The following PGP variants were observed in gnomAD, a reference collection of about 807,000 sequenced individuals.
PGP encodes aspartate-based ubiquitous Mg(2+)-dependent phosphatase.
In PGP, 9 loss-of-function variants were observed where a neutral mutation model predicts 19.3. The ratio of observed to expected loss-of-function variants is 0.47; its 90% confidence interval spans 0.28 to 0.81. The LOEUF is 0.81. Among genes scored for constraint, PGP ranks in the 40% least tolerant of loss-of-function variants. The pLI is 0.11. For missense variants in PGP, 403 were observed against 479.9 expected (o/e 0.84, Z 1.50); for synonymous variants, 308 against 226.8 (o/e 1.36, Z -3.22).
Position 2,212,263 on chromosome 16 carries a change from C to T in PGP, c.*1465G>A. ...GCAGCACCCTCTGAACCCGATATCC[C>T]AGGCCTGGGAGGTGCTGAAGGCTCA... On this transcript the variant is annotated 3_prime_UTR_variant, in exon 2 of 2. Coordinates refer to ENST00000333503, the MANE Select transcript of PGP (RefSeq NM_001042371.3). 2.0e-6 allele frequency: 2 copies of T among 985,926 alleles called. No individual in the cohort carries two copies. Among genetic ancestry groups the T allele is most frequent in the Non-Finnish European group, 2.4e-6 (2 of 830,024 alleles). The allele number at this position is 985,926 out of a possible 1,614,324, so 61.1% of individuals were successfully genotyped here.
In PGP at chr16:2,214,095, C is replaced by CCCG. The variant is rs1475477750; in HGVS notation, c.640+40_640+42dup. On this transcript the variant is annotated intron_variant, in intron 1 of 1. Coordinates refer to ENST00000333503, the MANE Select transcript of PGP (RefSeq NM_001042371.3). This position sits in a 1 kb window ranked among gnomAD's most constrained non-coding sequence, Gnocchi z 7.1. ...ACCGGGTCAAAGGGCAGGGAGGGGGCCCGCCGCCCGCCCCCCAGCCTCCCG... is the reference window on the plus strand; with the variant it reads ...ACCGGGTCAAAGGGCAGGGAGGGGGCCCGCCGCCGCCCGCCCCCCAGCCTCCCG... The CCCG allele has an allele frequency of 2.4e-6, 1 of 424,016 alleles. No homozygotes were observed. Among genetic ancestry groups the CCCG allele is most frequent in the South Asian group, 1.8e-5 (1 of 55,894 alleles). 26.3% of individuals were successfully genotyped at this position (424,016 alleles called of 1,614,324 possible).
chr16:2,214,039 C>A lies in PGP; in HGVS notation c.655G>T (p.Val219Phe). 1 of 1,599,990 alleles carries A rather than the reference C, an allele frequency of 6.3e-7. No individual in the cohort carries two copies. The highest frequency in any genetic ancestry group is 8.5e-7 in the Non-Finnish European group (1 of 1,172,894). The change falls in exon 2 of 2, where the codon GTC (valine) becomes TTC (phenylalanine). Residue 219 changes from valine to phenylalanine, a missense_variant. Physicochemically the swap from Val to Phe is conservative, Grantham distance 50 (BLOSUM62 -1). Transcript: ENST00000333503. This position sits in a 1 kb window ranked among gnomAD's most constrained non-coding sequence, Gnocchi z 7.1. ...TGGGCGGCCATCTCCACGGCTCGGA[C>A]CAGACACCCGGTACCTGCGGGGCAC... ...GRFIAGTGCL[V>F]RAVEMAAQRQ...
chr16:2,214,603 G>C lies in PGP; in HGVS notation c.175C>G (p.Arg59Gly), dbSNP rs1194376617. 1 of 1,463,960 alleles carries C rather than the reference G, an allele frequency of 6.8e-7. No homozygotes were observed. Among genetic ancestry groups the C allele is most frequent in the East Asian group, 3.0e-5 (1 of 33,702 alleles). The allele number at this position is 1,463,960 out of a possible 1,614,324, so 90.7% of individuals were successfully genotyped here. A position where few individuals can be genotyped will look rare whatever the true frequency, so the allele number is the denominator to read the frequency against. Reference sequence around the variant, plus strand: ...GTGATGAAGCCCAGGCGCTTGCCGCGGGCTCGCAGCGCCCGCAGGGCCTCG... The same window carrying C: ...GTGATGAAGCCCAGGCGCTTGCCGCCGGCTCGCAGCGCCCGCAGGGCCTCG... The part of the protein sequence containing the change: ...APEALRALRA[R>G]GKRLGFITNN... Residue 59 changes from arginine to glycine, a missense_variant, in exon 1 of 2, where the codon CGC becomes GGC. Coordinates refer to ENST00000333503, the MANE Select transcript of PGP (RefSeq NM_001042371.3). This position sits in a 1 kb window ranked among gnomAD's most constrained non-coding sequence, Gnocchi z 7.1.
At position 2,214,601 on chromosome 16, in the gene PGP, G is replaced by A. The variant is rs1260341274; in HGVS notation, c.177C>T (p.Arg59=). 2 of 1,466,514 alleles carry A rather than the reference G, an allele frequency of 1.4e-6. No individual in the cohort carries two copies. The highest frequency in any genetic ancestry group is 2.6e-5 in the South Asian group (2 of 77,738). The allele number at this position is 1,466,514 out of a possible 1,614,324, so 90.8% of individuals were successfully genotyped here. ...TGGTGATGAAGCCCAGGCGCTTGCCGCGGGCTCGCAGCGCCCGCAGGGCCT... is the reference window on the plus strand; with the variant it reads ...TGGTGATGAAGCCCAGGCGCTTGCCACGGGCTCGCAGCGCCCGCAGGGCCT... The part of the protein sequence containing the change: ...APEALRALRA[R]GKRLGFITNN... Residue 59 remains arginine, a synonymous_variant, in exon 1 of 2, where the codon CGC becomes CGT. Transcript: ENST00000333503. This position sits in a 1 kb window ranked among gnomAD's most constrained non-coding sequence, Gnocchi z 7.1.
In PGP at chr16:2,214,634, G is replaced by A. The variant is rs1283590197; in HGVS notation, c.144C>T (p.Gly48=). 3 of 1,446,626 alleles carry A rather than the reference G, an allele frequency of 2.1e-6. No homozygotes were observed. The highest frequency in any genetic ancestry group is 2.5e-5 in the Admixed American group (1 of 39,602). 89.6% of individuals were successfully genotyped at this position (1,446,626 alleles called of 1,614,324 possible). Reference sequence around the variant, plus strand: ...GCAGCGCCCGCAGGGCCTCGGGCGCGCCAGGCACGGCGGTCTCCCCGCGCC... The same window carrying A: ...GCAGCGCCCGCAGGGCCTCGGGCGCACCAGGCACGGCGGTCTCCCCGCGCC... ...VLWRGETAVP[G]APEALRALRA... is the part of the protein sequence containing the mutation. The change falls in exon 1 of 2, where the codon GGC becomes GGT. Residue 48 remains glycine (G), a synonymous_variant. Transcript: ENST00000333503. The surrounding 1 kb of genome is among the most constrained non-coding windows in gnomAD (Gnocchi z 7.1).
rs1230315639 is a variant in PGP, at chr16:2,212,216, G to A, written c.*1512C>T. The A allele has an allele frequency of 5.1e-6, 5 of 985,850 alleles. No individual in the cohort carries two copies. Among genetic ancestry groups the A allele is most frequent in the African/African-American group, 1.7e-5 (1 of 57,384 alleles). The allele number at this position is 985,850 out of a possible 1,614,324, so 61.1% of individuals were successfully genotyped here. A position where few individuals can be genotyped will look rare whatever the true frequency, so the allele number is the denominator to read the frequency against. On this transcript the variant is annotated 3_prime_UTR_variant, in exon 2 of 2. Coordinates refer to ENST00000333503, the MANE Select transcript of PGP (RefSeq NM_001042371.3). The stretch of plus-strand genomic sequence containing the variant: ...CGTCAGTGTCACCAGCCTCATGGGT[G>A]GAGCCACCCTCATGCTGCTCTGCAG...
chr16:2,214,351 C>T lies in PGP; in HGVS notation c.427G>A (p.Val143Met). 1 of 1,513,940 alleles carries T rather than the reference C, an allele frequency of 6.6e-7. No individual in the cohort carries two copies. The highest frequency in any genetic ancestry group is 8.8e-7 in the Non-Finnish European group (1 of 1,138,422). 93.8% of individuals were successfully genotyped at this position (1,513,940 alleles called of 1,614,324 possible). A position where few individuals can be genotyped will look rare whatever the true frequency, so the allele number is the denominator to read the frequency against. Residue 143 changes from valine to methionine, a missense_variant, in exon 1 of 2, where the codon GTG becomes ATG. Coordinates refer to ENST00000333503, the MANE Select transcript of PGP (RefSeq NM_001042371.3). This position sits in a 1 kb window ranked among gnomAD's most constrained non-coding sequence, Gnocchi z 7.1. ...LEAVGVASVG[V>M]GPEPLQGEGP... Reference sequence around the variant, plus strand: ...TCGCCCTGCAGTGGCTCGGGCCCCACGCCCACGCTGGCGACGCCCACGGCC... The same window carrying T: ...TCGCCCTGCAGTGGCTCGGGCCCCATGCCCACGCTGGCGACGCCCACGGCC...
chr16:2,213,180 A>C lies in PGP; in HGVS notation c.*548T>G. 1.0e-6 allele frequency: 1 copy of C among 985,538 alleles called. No individual in the cohort carries two copies. Among genetic ancestry groups the C allele is most frequent in the South Asian group, 4.7e-5 (1 of 21,306 alleles). 61.0% of individuals were successfully genotyped at this position (985,538 alleles called of 1,614,324 possible). A position where few individuals can be genotyped will look rare whatever the true frequency, so the allele number is the denominator to read the frequency against. ...GAGAGTGGTGAGGGCAGCACTTTGC[A>C]CCCAAGGGCAGGGAGATGCCACCTG... On this transcript the variant is annotated 3_prime_UTR_variant, in exon 2 of 2. Transcript: ENST00000333503.
chr16:2,213,983 G>A lies in PGP; in HGVS notation c.711C>T (p.Ser237=). 1 of 1,609,620 alleles carries A rather than the reference G, an allele frequency of 6.2e-7. No homozygotes were observed. The highest frequency in any genetic ancestry group is 8.5e-7 in the Non-Finnish European group (1 of 1,177,334). ...GGGACACGCAGTCGAAAATGAAGCG[G>A]CTGGGCTTCCCGATGATGTCGGCCT... The part of the protein sequence containing the change: ...QRQADIIGKP[S]RFIFDCVSQE... The change falls in exon 2 of 2, where the codon AGC becomes AGT. Residue 237 remains serine (S), a synonymous_variant. Coordinates refer to ENST00000333503, the MANE Select transcript of PGP (RefSeq NM_001042371.3).
In PGP at chr16:2,214,622, G is replaced by A; in HGVS notation, c.156C>T (p.Ala52=). ...TGCCGCGGGCTCGCAGCGCCCGCAG[G>A]GCCTCGGGCGCGCCAGGCACGGCGG... ...GETAVPGAPE[A]LRALRARGKR... is the part of the protein sequence containing the mutation. The change falls in exon 1 of 2, where the codon GCC becomes GCT. Residue 52 remains alanine, a synonymous_variant. Coordinates refer to ENST00000333503, the MANE Select transcript of PGP (RefSeq NM_001042371.3). The surrounding 1 kb of genome is among the most constrained non-coding windows in gnomAD (Gnocchi z 7.1). 1 of 1,450,526 alleles carries A rather than the reference G, an allele frequency of 6.9e-7. No individual in the cohort carries two copies. Among genetic ancestry groups the A allele is most frequent in the Non-Finnish European group, 9.1e-7 (1 of 1,104,896 alleles). 89.9% of individuals were successfully genotyped at this position (1,450,526 alleles called of 1,614,324 possible).
Position 2,214,596 on chromosome 16 carries a change from T to G in PGP, c.182A>C (p.Lys61Thr). The G allele has an allele frequency of 6.8e-7, 1 of 1,467,692 alleles. No individual in the cohort carries two copies. Among genetic ancestry groups the G allele is most frequent in the African/African-American group, 1.5e-5 (1 of 68,024 alleles). 90.9% of individuals were successfully genotyped at this position (1,467,692 alleles called of 1,614,324 possible). A position where few individuals can be genotyped will look rare whatever the true frequency, so the allele number is the denominator to read the frequency against. Residue 61 changes from lysine to threonine, a missense_variant, in exon 1 of 2, where the codon AAG (lysine) becomes ACG (threonine). Transcript: ENST00000333503. This position sits in a 1 kb window ranked among gnomAD's most constrained non-coding sequence, Gnocchi z 7.1. The part of the protein sequence containing the change: ...EALRALRARG[K>T]RLGFITNNSS... ...GTTGTTGGTGATGAAGCCCAGGCGC[T>G]TGCCGCGGGCTCGCAGCGCCCGCAG...
At position 2,213,697 on chromosome 16, in the gene PGP, T is replaced by C. The variant is rs1210614911; in HGVS notation, c.*31A>G. On this transcript the variant is annotated 3_prime_UTR_variant, in exon 2 of 2. Coordinates refer to ENST00000333503, the MANE Select transcript of PGP (RefSeq NM_001042371.3). ...GGTAACTGGTTTTCAATTTCTTTTT[T>C]TTTATTCTGCAGATTAAAGACACTC... 6.1e-6 allele frequency: 9 copies of C among 1,483,798 alleles called. No individual in the cohort carries two copies. Among genetic ancestry groups the C allele is most frequent in the African/African-American group, 1.4e-5 (1 of 70,526 alleles). 91.9% of individuals were successfully genotyped at this position (1,483,798 alleles called of 1,614,324 possible). A position where few individuals can be genotyped will look rare whatever the true frequency, so the allele number is the denominator to read the frequency against.
At position 2,212,433 on chromosome 16, in the gene PGP, C is replaced by T. The variant is rs1017040279; in HGVS notation, c.*1295G>A. 1.2e-5 allele frequency: 12 copies of T among 985,748 alleles called. No homozygotes were observed. The highest frequency in any genetic ancestry group is 1.4e-5 in the Non-Finnish European group (12 of 830,050). 61.1% of individuals were successfully genotyped at this position (985,748 alleles called of 1,614,324 possible). A position where few individuals can be genotyped will look rare whatever the true frequency, so the allele number is the denominator to read the frequency against. On this transcript the variant is annotated 3_prime_UTR_variant, in exon 2 of 2. Coordinates refer to ENST00000333503, the MANE Select transcript of PGP (RefSeq NM_001042371.3). ...GCATCCCGGGATGGCCCTGCTGAGTCTGCTGTCAGGCCTGTGAAAGGTCAG... is the reference window on the plus strand; with the variant it reads ...GCATCCCGGGATGGCCCTGCTGAGTTTGCTGTCAGGCCTGTGAAAGGTCAG...
rs1325325851 is a variant in PGP at position 2,213,303 on chromosome 16, G to T, written c.*425C>A. The T allele has an allele frequency of 4.0e-6, 4 of 988,064 alleles. No individual in the cohort carries two copies. Among genetic ancestry groups the T allele is most frequent in the Non-Finnish European group, 4.8e-6 (4 of 831,530 alleles). 61.2% of individuals were successfully genotyped at this position (988,064 alleles called of 1,614,324 possible). A position where few individuals can be genotyped will look rare whatever the true frequency, so the allele number is the denominator to read the frequency against. On this transcript the variant is annotated 3_prime_UTR_variant, in exon 2 of 2. Transcript: ENST00000333503. ...TCATACTGATGGGGCTCTGGTCCAT[G>T]CAAGCCTCTCCCAACAGTCAGAATA...
Position 2,213,494 on chromosome 16 carries a change from C to A in PGP, c.*234G>T. ...TGCCAACCCCACCCAAGGCCCAGAA[C>A]CCAGCCCACAACGCCTTCCAAGCCT... On this transcript the variant is annotated 3_prime_UTR_variant, in exon 2 of 2. Coordinates refer to ENST00000333503, the MANE Select transcript of PGP (RefSeq NM_001042371.3). The A allele has an allele frequency of 1.5e-6, 1 of 680,714 alleles. No individual in the cohort carries two copies. The highest frequency in any genetic ancestry group is 2.1e-6 in the Non-Finnish European group (1 of 476,562). 42.2% of individuals were successfully genotyped at this position (680,714 alleles called of 1,614,324 possible). A position where few individuals can be genotyped will look rare whatever the true frequency, so the allele number is the denominator to read the frequency against.
Position 2,212,264 on chromosome 16 carries a change from A to C in PGP, c.*1464T>G. ...CAGCACCCTCTGAACCCGATATCCC[A>C]GGCCTGGGAGGTGCTGAAGGCTCAG... On this transcript the variant is annotated 3_prime_UTR_variant, in exon 2 of 2. Coordinates refer to ENST00000333503, the MANE Select transcript of PGP (RefSeq NM_001042371.3). The C allele has an allele frequency of 9.1e-6, 9 of 985,876 alleles. No individual in the cohort carries two copies. The highest frequency in any genetic ancestry group is 1.1e-5 in the Non-Finnish European group (9 of 829,994). 61.1% of individuals were successfully genotyped at this position (985,876 alleles called of 1,614,324 possible). A position where few individuals can be genotyped will look rare whatever the true frequency, so the allele number is the denominator to read the frequency against.
In PGP at chr16:2,214,490, C is replaced by T. The variant is rs1002317461; in HGVS notation, c.288G>A (p.Leu96=). The T allele has an allele frequency of 6.4e-6, 9 of 1,405,528 alleles. No individual in the cohort carries two copies. The South Asian group carries it at 8.7e-5, about 14-fold the overall frequency. The allele number at this position is 1,405,528 out of a possible 1,614,324, so 87.1% of individuals were successfully genotyped here. The change falls in exon 1 of 2, where the codon CTG becomes CTA. Residue 96 remains leucine, a synonymous_variant. Transcript: ENST00000333503. The surrounding 1 kb of genome is among the most constrained non-coding windows in gnomAD (Gnocchi z 7.1). ...TGCAGTAGGCCGTGCCGAAGACCTC[C>T]AGGCTGGCGCCGGGCCCCGCGGGGC... is the stretch of plus-strand genomic sequence containing the variant. The part of the protein sequence containing the change: ...FGGPAGPGAS[L]EVFGTAYCTA...
At position 2,214,320 on chromosome 16, in the gene PGP, G is replaced by A. The variant is rs1409309823; in HGVS notation, c.458C>T (p.Pro153Leu). Reference sequence around the variant, plus strand: ...CAGCGGCGCGTGCAGCCAGTCGCCGGGACCCTCGCCCTGCAGTGGCTCGGG... The same window carrying A: ...CAGCGGCGCGTGCAGCCAGTCGCCGAGACCCTCGCCCTGCAGTGGCTCGGG... ...VGPEPLQGEG[P>L]GDWLHAPLEP... is the part of the protein sequence containing the mutation. Residue 153 changes from proline to leucine, a missense_variant, in exon 1 of 2, where the codon CCC becomes CTC. Pro to Leu is a moderately conservative substitution (Grantham distance 98). Transcript: ENST00000333503. The surrounding 1 kb of genome is among the most constrained non-coding windows in gnomAD (Gnocchi z 7.1). The A allele has an allele frequency of 7.1e-6, 11 of 1,540,612 alleles. No homozygotes were observed. The highest frequency in any genetic ancestry group is 9.6e-6 in the Non-Finnish European group (11 of 1,150,306).
chr16:2,213,013 C>G lies in PGP; in HGVS notation c.*715G>C. The G allele has an allele frequency of 1.0e-6, 1 of 985,560 alleles. No homozygotes were observed. Among genetic ancestry groups the G allele is most frequent in the Non-Finnish European group, 1.2e-6 (1 of 829,976 alleles). The allele number at this position is 985,560 out of a possible 1,614,324, so 61.1% of individuals were successfully genotyped here. ...CATGGTAGCTGCTCCGTCCAAATCA[C>G]CTGGGTATAAATGCACACTTGAGAC... On this transcript the variant is annotated 3_prime_UTR_variant, in exon 2 of 2. Coordinates refer to ENST00000333503, the MANE Select transcript of PGP (RefSeq NM_001042371.3).
Sources: allele counts gnomAD v4.1 joint callset, GRCh38; gene constraint gnomAD v4.1.1; non-coding constraint Gnocchi (gnomAD v3.1); transcripts MANE v1.5; gene names NCBI Gene and HGNC (gene_info 2026-07-23, HGNC 2026-07-21).